Variants in CXADR observed in about 807,000 individuals in gnomAD.
CXADR encodes the protein CXADR cell adhesion molecule.
CXADR carries 20 observed loss-of-function variants against 40.3 expected under a neutral mutation model. The ratio of observed to expected loss-of-function variants is 0.50; its 90% CI spans 0.35 to 0.72. CXADR has a LOEUF of 0.72. CXADR is among the 30% of genes least tolerant of loss of function. CXADR has a pLI of 0.01. For synonymous variants in CXADR, 150 were observed against 161.3 expected, an observed-to-expected ratio of 0.93 and a Z score of 0.53; for missense variants, 332 against 449.1, an observed-to-expected ratio of 0.74 and a Z score of 2.36.
the CXADR span, among the ~76,000 whole-genome samples, chr21:17,633,372 C>T: frequency 6.6e-6 from 1 of 152,134 alleles, no homozygotes; most frequent in Admixed American, 6.5e-5. Context: ...CGAGACCAGC[C>T]TGGGCAATAT....
intron 1 of CXADR, among the ~76,000 whole-genome samples, chr21:17,528,508 C>G (rs898257210): frequency 6.6e-6 from 1 of 151,896 alleles, no homozygotes. Flanking sequence ...CGGGTTCAAG[C>G]GATTCTCCTA....
Position 17,534,019 on chromosome 21 carries a change from T to TATATAGCTATATATATATATACACAC in CXADR, c.44-13003_44-13002insGCTATATATATATATACACACATATA, listed in dbSNP as rs1555864917. 6.1e-5 allele frequency among the ~76,000 whole-genome samples: 5 copies of TATATAGCTATATATATATATACACAC among 81,400 alleles called. No individual in the cohort carries two copies. In the East Asian group the frequency reaches 1.5e-3, roughly 25 times the overall value. The allele number at this position is 81,400 out of a possible 152,430, so 53.4% of individuals were successfully genotyped here. ...TCTCTTTCTCAGCAATATATATATA[T>TATATAGCTATATATATATATACACAC]ATATATATAGCTATATATATATATA... On this transcript the variant is annotated intron_variant, in intron 1 of 6. Transcript: ENST00000284878.
chr21:17,603,565 G>A, the CXADR span, among the ~76,000 whole-genome samples: 283 of 152,278 alleles, frequency 1.9e-3, no homozygotes, highest in African/African-American at 6.5e-3. Flanking sequence ...CACCTTAGGA[G>A]TACATAGTTA....
At chr21:17,617,479 A>G in the CXADR span, among the ~76,000 whole-genome samples, 5 of 152,220 alleles carry the variant, frequency 3.3e-5, no homozygotes, top group African/African-American at 7.2e-5. Context: ...TATAATAAGA[A>G]TATAGGTATT....
chr21:17,596,639 A>G (rs2061507623), downstream of CXADR, among the ~76,000 whole-genome samples: 1 of 152,070 alleles, frequency 6.6e-6, no homozygotes. Context: ...ATCCTGTGCC[A>G]TCAATATATT....
chr21:17,590,787 TA>T (rs1269692873), intron 7 of CXADR, among the ~76,000 whole-genome samples: 1 of 152,082 alleles, frequency 6.6e-6, no homozygotes, highest in Non-Finnish European at 1.5e-5. Flanking sequence ...TGGGAATTAC[TA>T]CTCATTATGT....
intron 1 of CXADR, among the ~76,000 whole-genome samples, chr21:17,514,304 C>G (rs1276307393): frequency 6.6e-6 from 1 of 151,920 alleles, no homozygotes; most frequent in African/African-American, 2.4e-5. Flanking sequence ...TTGTTGGATG[C>G]CACAGCTGTG....
At chr21:17,582,521 A>G (rs2061368723) in intron 7 of CXADR, among the ~76,000 whole-genome samples, 1 of 152,128 alleles carries the variant, frequency 6.6e-6, no homozygotes, top group Non-Finnish European at 1.5e-5. Context: ...CTGGGAGCTC[A>G]GGGTCACCTG....
chr21:17,546,919 C>T (rs1246515426), intron 1 of CXADR, 108 bp from the exon 2 acceptor site: 43 of 1,337,392 alleles, frequency 3.2e-5, no homozygotes, highest in Non-Finnish European at 3.8e-5. Flanking sequence ...ACCCAAACCC[C>T]GTCCTGTATC....
rs1403746486 is a variant in CXADR at position 17,546,908 on chromosome 21, G to A, written c.44-119G>A. 13 of 1,214,456 alleles carry A rather than the reference G, an allele frequency of 1.1e-5. No individual in the cohort carries two copies. In the South Asian group the frequency reaches 1.5e-4, roughly 14 times the overall value. 75.2% of individuals were successfully genotyped at this position (1,214,456 alleles called of 1,614,324 possible). A position where few individuals can be genotyped will look rare whatever the true frequency, so the allele number is the denominator to read the frequency against. ...CTTGAGTTTGGACTCCATTCCTCGGGACCCAAACCCCGTCCTGTATCCCTC... is the reference window on the plus strand; with the variant it reads ...CTTGAGTTTGGACTCCATTCCTCGGAACCCAAACCCCGTCCTGTATCCCTC... On this transcript the variant is annotated intron_variant, in intron 1 of 6. Coordinates refer to ENST00000284878, the MANE Select transcript of CXADR (RefSeq NM_001338.5).
At chr21:17,523,963 A>G (rs1040996292) in intron 1 of CXADR, among the ~76,000 whole-genome samples, 3 of 151,766 alleles carry the variant, frequency 2.0e-5, no homozygotes, top group Non-Finnish European at 4.4e-5. Flanking sequence ...GGTTTAAGCA[A>G]TTCTCCTGCC....
intron 2 of CXADR, among the ~76,000 whole-genome samples, chr21:17,547,869 T>C (rs1326050270): frequency 6.6e-6 from 1 of 152,182 alleles, no homozygotes; most frequent in Admixed American, 6.5e-5. Flanking sequence ...CTTAAAACAT[T>C]GTTTCAGTAT....
In CXADR at chr21:17,549,161, A is replaced by G. The variant is rs144708991; in HGVS notation, c.210+1968A>G. On this transcript the variant is annotated intron_variant, in intron 2 of 6. Transcript: ENST00000284878. The stretch of plus-strand genomic sequence containing the variant: ...TAATTGTATATACTTAAGCCTTAAA[A>G]CAACATAGTAAGGTGAGAATTATTA... Among the ~76,000 whole-genome samples, 3 of 152,298 alleles carry G rather than the reference A, an allele frequency of 2.0e-5. No homozygotes were observed. The East Asian group carries it at 5.8e-4, about 29-fold the overall frequency.
the CXADR span, chr21:17,598,966 T>C: frequency 3.0e-6 from 2 of 665,090 alleles, no homozygotes; most frequent in East Asian, 5.4e-5. Flanking sequence ...ACACATTTAA[T>C]ATCCTAATAC....
chr21:17,594,109 A>G, downstream of CXADR: 1 of 1,613,038 alleles, frequency 6.2e-7, no homozygotes, highest in South Asian at 1.1e-5. Context: ...AGGTGCTAAC[A>G]TGTGAGGATT....
the CXADR span, among the ~76,000 whole-genome samples, chr21:17,611,103 G>A: frequency 6.6e-6 from 1 of 152,202 alleles, no homozygotes; most frequent in Non-Finnish European, 1.5e-5. Context: ...AGCCCACCAC[G>A]ACTGCTGTGC....
chr21:17,522,897 T>G (rs1656194082), intron 1 of CXADR, among the ~76,000 whole-genome samples: 1 of 152,180 alleles, frequency 6.6e-6, no homozygotes, highest in African/African-American at 2.4e-5. Flanking sequence ...TCCAGCTGAT[T>G]CTGTTTCACA....
the CXADR span, among the ~76,000 whole-genome samples, chr21:17,609,845 T>C: frequency 0.017 from 2,651 of 152,282 alleles, 75 homozygotes; most frequent in African/African-American, 0.059. Flanking sequence ...TGAGTACTAA[T>C]ACAAGCTACA....
intron 1 of CXADR, among the ~76,000 whole-genome samples, chr21:17,533,256 G>A (rs991068166): frequency 6.6e-6 from 1 of 151,986 alleles, no homozygotes; most frequent in Non-Finnish European, 1.5e-5. Flanking sequence ...TTATTTTTCT[G>A]TTTTTCCAAA....
Sources: gnomAD v4.1 joint callset for allele counts (sites outside exome capture counted in the v4.1 genomes callset) on GRCh38, gnomAD v4.1.1 for gene constraint, MANE v1.5 for transcripts, NCBI Gene and HGNC (gene_info 2026-07-23, HGNC 2026-07-21) for gene names.